The following TWF1 variants were observed in gnomAD, a reference collection of about 807,000 sequenced individuals.
The protein encoded by TWF1 is twinfilin actin binding protein 1.
A neutral mutation model predicts 47.9 loss-of-function variants in TWF1; 14 were observed. The ratio of observed to expected loss-of-function variants is 0.29; its 90% confidence interval spans 0.19 to 0.46. The LOEUF (loss-of-function observed/expected upper bound fraction) is 0.46, where lower values mean the gene tolerates loss of function less well. Among genes scored for constraint, TWF1 ranks in the 20% least tolerant of loss-of-function variants. The pLI, the probability that TWF1 is intolerant of heterozygous loss-of-function variation, is 1.00. For synonymous variants in TWF1, 96 were observed against 139.2 expected, an observed-to-expected ratio of 0.69 and a Z score of 2.18; for missense variants, 281 against 409.3, an observed-to-expected ratio of 0.69 and a Z score of 2.70.
chr12:43,805,089 G>T (rs890250117), intron 1 of TWF1, among the ~76,000 whole-genome samples: 1 of 152,122 alleles, frequency 6.6e-6, no homozygotes. Context: ...TTTCTAACTT[G>T]CATTTCTCAA....
At chr12:43,806,184 A>T in intron 1 of TWF1, 37 bp downstream of exon 1, 1 of 1,435,852 alleles carries the variant, frequency 7.0e-7, no homozygotes, top group Non-Finnish European at 9.4e-7. Context: ...GCTCTCCCGG[A>T]AGCCCCTTCC....
intron 1 of TWF1, chr12:43,805,730 T>C (rs1942749282): frequency 2.5e-6 from 3 of 1,191,864 alleles, no homozygotes; most frequent in Non-Finnish European, 3.4e-6. Context: ...GGGAGAGTTT[T>C]GGGAAGCACC....
intron 5 of TWF1, chr12:43,798,646 A>C: frequency 6.9e-7 from 1 of 1,444,896 alleles, no homozygotes. Context: ...ATCACATAAA[A>C]AGCCCTACTC....
intron 3 of TWF1, 47 bp downstream of exon 3, chr12:43,802,239 A>G (rs774915747): frequency 7.6e-7 from 1 of 1,323,130 alleles, no homozygotes; most frequent in Admixed American, 2.8e-5. Flanking sequence ...TTTCAAAAAC[A>G]TTTTTCTAGC....
chr12:43,798,612 T>C, intron 5 of TWF1: 1 of 1,477,006 alleles, frequency 6.8e-7, no homozygotes, highest in Non-Finnish European at 8.9e-7. Context: ...AAACAAACTA[T>C]CAAACTCGTA....
At position 43,793,866 on chromosome 12, in the gene TWF1, G is replaced by A. The variant is rs1942505844; in HGVS notation, c.*1719C>T. The A allele has an allele frequency of 6.6e-6, 1 of 152,590 alleles. No individual in the cohort carries two copies. The highest frequency in any genetic ancestry group is 1.5e-5 in the Non-Finnish European group (1 of 68,018). The allele number at this position is 152,590 out of a possible 1,614,324, so 9.5% of individuals were successfully genotyped here. On this transcript the variant is annotated 3_prime_UTR_variant, in exon 9 of 9. Transcript: ENST00000395510. ...ATGATACTGCCAACTAAAACATACT[G>A]TAAACGATGAGTTATACTCTATAAC...
In TWF1 at chr12:43,794,335, T is replaced by C. The variant is rs1011895475; in HGVS notation, c.*1250A>G. On this transcript the variant is annotated 3_prime_UTR_variant, in exon 9 of 9. Coordinates refer to ENST00000395510, the MANE Select transcript of TWF1 (RefSeq NM_002822.5). ...CCACAATTATTCTAATATGCTTTAC[T>C]TACTCGAACACAAATTTCTGAAAGG... The C allele has an allele frequency of 2.6e-5, 4 of 152,624 alleles. No individual in the cohort carries two copies. Among genetic ancestry groups the C allele is most frequent in the African/African-American group, 9.7e-5 (4 of 41,440 alleles). 9.5% of individuals were successfully genotyped at this position (152,624 alleles called of 1,614,324 possible). A position where few individuals can be genotyped will look rare whatever the true frequency, so the allele number is the denominator to read the frequency against.
At chr12:43,806,082 C>T (rs1162158168) in intron 1 of TWF1, 139 bp downstream of exon 1, 5 of 1,517,874 alleles carry the variant, frequency 3.3e-6, no homozygotes, top group African/African-American at 1.4e-5. Flanking sequence ...CGCGGAGAGG[C>T]GCCGAGGCCC....
intron 8 of TWF1, among the ~76,000 whole-genome samples, chr12:43,796,709 G>C (rs923850453): frequency 6.6e-6 from 1 of 151,968 alleles, no homozygotes; most frequent in African/African-American, 2.4e-5. Flanking sequence ...ATGAGAATTT[G>C]ACATAAGGCT....
intron 3 of TWF1, among the ~76,000 whole-genome samples, chr12:43,801,023 A>T (rs1350380142): frequency 6.6e-6 from 1 of 152,190 alleles, no homozygotes; most frequent in African/African-American, 2.4e-5. Context: ...AAGTTTAGGG[A>T]TTACAGGCAT....
chr12:43,795,561 A>C lies in TWF1; in HGVS notation c.*24T>G. ...AAAGCTGGACTTTTAAAAAACTAGT[A>C]TTACAATGTTTAATGTGATGACTTT... On this transcript the variant is annotated 3_prime_UTR_variant, in exon 9 of 9. Transcript: ENST00000395510. 2 of 1,602,976 alleles carry C rather than the reference A, an allele frequency of 1.2e-6. No individual in the cohort carries two copies. Among genetic ancestry groups the C allele is most frequent in the Non-Finnish European group, 1.7e-6 (2 of 1,174,418 alleles).
chr12:43,806,105 G>A (rs779032546), intron 1 of TWF1, 116 bp downstream of exon 1: 11 of 1,522,428 alleles, frequency 7.2e-6, no homozygotes, highest in South Asian at 3.6e-5. Flanking sequence ...CTCGCCCCGC[G>A]AGACCGACTT....
In TWF1 at chr12:43,796,968, T is replaced by C; in HGVS notation, c.882+8A>G. 2 of 1,606,718 alleles carry C rather than the reference T, an allele frequency of 1.2e-6. No individual in the cohort carries two copies. On this transcript the variant is annotated splice_region_variant and intron_variant, in intron 8 of 8. Coordinates refer to ENST00000395510, the MANE Select transcript of TWF1 (RefSeq NM_002822.5). Reference sequence around the variant, plus strand: ...CAAAAACTGAAGATTTTAAAATAGGTGGGCTACCTTTCTAATTACATCCAT... The same window carrying C: ...CAAAAACTGAAGATTTTAAAATAGGCGGGCTACCTTTCTAATTACATCCAT...
At chr12:43,797,134 T>C (rs1592276571) in intron 7 of TWF1, 37 bp from the exon 8 acceptor site, 1 of 1,547,322 alleles carries the variant, frequency 6.5e-7, no homozygotes. Context: ...AATTAGCATA[T>C]CAATACATAA....
chr12:43,806,113 CT>C, intron 1 of TWF1, 107 bp downstream of exon 1: 1 of 1,524,064 alleles, frequency 6.6e-7, no homozygotes, highest in Non-Finnish European at 8.8e-7. Context: ...GCGAGACCGA[CT>C]TCCGGAGCTC....
chr12:43,799,547 A>T, intron 4 of TWF1, 45 bp from the exon 5 acceptor site: 3 of 1,154,612 alleles, frequency 2.6e-6, no homozygotes, highest in Non-Finnish European at 3.7e-6. Context: ...TCTAGAAGTA[A>T]AATGACAGTG....
At chr12:43,805,498 T>C (rs1388805747) in intron 1 of TWF1, 1 of 455,624 alleles carries the variant, frequency 2.2e-6, no homozygotes, top group South Asian at 1.6e-5. Context: ...GGGGATATAT[T>C]ATTTGACTCT....
chr12:43,801,107 A>G (rs11182268), intron 3 of TWF1, among the ~76,000 whole-genome samples: 15,627 of 152,256 alleles, frequency 0.1, 877 homozygotes, highest in African/African-American at 0.14. Context: ...TTTCAAACTC[A>G]TAAGTTCAAG....
At chr12:43,801,207 G>A (rs955964347) in intron 3 of TWF1, among the ~76,000 whole-genome samples, 1 of 152,160 alleles carries the variant, frequency 6.6e-6, no homozygotes, top group African/African-American at 2.4e-5. Flanking sequence ...TACGAATTAA[G>A]TTGTTAAGAA....
Sources: allele counts gnomAD v4.1 joint callset (sites outside exome capture counted in the v4.1 genomes callset), GRCh38; gene constraint gnomAD v4.1.1; transcripts MANE v1.5; gene names NCBI Gene and HGNC (gene_info 2026-07-23, HGNC 2026-07-21).